The following TAF1C variants were observed in gnomAD, a reference collection of about 807,000 sequenced individuals.
TAF1C encodes TATA-box binding protein associated factor, RNA polymerase I subunit C, also known as TATA box-binding protein-associated factor RNA polymerase I subunit C.
A neutral mutation model predicts 70.5 loss-of-function variants in TAF1C; 79 were observed. The ratio of observed to expected loss-of-function variants is 1.12; its 90% CI spans 0.93 to 1.35. The LOEUF is 1.35. Among genes scored for constraint, TAF1C ranks in the 40% most tolerant of loss-of-function variants. TAF1C has a pLI of 0.00. For missense variants in TAF1C, 1,412 were observed against 1,127.8 expected, an observed-to-expected ratio of 1.25 and a Z score of -3.61; for synonymous variants, 614 against 491.1, an observed-to-expected ratio of 1.25 and a Z score of -3.31.
At chr16:84,181,248 C>T in intron 11 of TAF1C, 62 bp from the exon 12 acceptor site, 1 of 1,597,626 alleles carries the variant, frequency 6.3e-7, no homozygotes, top group Admixed American at 1.7e-5. Context: ...CTGTCCTCGC[C>T]CAGGCCGCAG....
rs753496424 is a variant in TAF1C, at chr16:84,181,832, A to C, written c.870T>G (p.Cys290Trp). The change falls in exon 9 of 15, where the codon TGT (cysteine) becomes TGG (tryptophan). Residue 290 changes from cysteine (C) to tryptophan (W), a missense_variant. Cys to Trp is a radical substitution (Grantham distance 215). Transcript: ENST00000566732. The stretch of plus-strand genomic sequence containing the variant: ...ACTGTTTACCAAACTTCCACACGGC[A>C]CAGTGGTAGTCAGAGCGGACGGCCA... ...TLLAVRSDYH[C>W]AVWKFGKQWQ... 3 of 1,614,176 alleles carry C rather than the reference A, an allele frequency of 1.9e-6. No homozygotes were observed. Among genetic ancestry groups the C allele is most frequent in the Non-Finnish European group, 1.7e-6 (2 of 1,180,024 alleles).
chr16:84,181,564 T>C lies in TAF1C; in HGVS notation c.1028+28A>G, dbSNP rs1415630369. The C allele has an allele frequency of 3.7e-6, 6 of 1,612,822 alleles. No individual in the cohort carries two copies. In the African/African-American group the frequency reaches 6.7e-5, roughly 18 times the overall value. On this transcript the variant is annotated intron_variant, in intron 10 of 14. Transcript: ENST00000566732. ...CAGGGCGGAGTTCAGTTCGTTAGGG[T>C]GGGGGGTTTCACAGGAAGCGGCGAT...
At chr16:84,184,221 G>C (rs925720594) in intron 2 of TAF1C, among the ~76,000 whole-genome samples, 1 of 152,216 alleles carries the variant, frequency 6.6e-6, no homozygotes, top group Non-Finnish European at 1.5e-5. Flanking sequence ...AAAAGAGCTA[G>C]GAAACCAGAC....
In TAF1C at chr16:84,178,680, C is replaced by G. The variant is rs115942235; in HGVS notation, c.*261G>C. ...CTGCCTCCCAGCACAGACTAAAATC[C>G]CAGCAACACAGGCCCACCGGCACCT... On this transcript the variant is annotated 3_prime_UTR_variant, in exon 15 of 15. Transcript: ENST00000566732. 2,909 of 533,416 alleles carry G rather than the reference C, an allele frequency of 5.5e-3. 67 individuals are homozygous for G. Among genetic ancestry groups the G allele is most frequent in the African/African-American group, 0.05 (2,628 of 52,604 alleles). The allele number at this position is 533,416 out of a possible 1,614,324, so 33.0% of individuals were successfully genotyped here. A position where few individuals can be genotyped will look rare whatever the true frequency, so the allele number is the denominator to read the frequency against.
chr16:84,182,067 C>G lies in TAF1C; in HGVS notation c.722-9G>C, dbSNP rs1196894966. 6.2e-7 allele frequency: 1 copy of G among 1,612,594 alleles called. No individual in the cohort carries two copies. The highest frequency in any genetic ancestry group is 1.7e-5 in the Admixed American group (1 of 59,952). On this transcript the variant is annotated splice_polypyrimidine_tract_variant and intron_variant, in intron 7 of 14. Transcript: ENST00000566732. The surrounding 1 kb of genome is among the most constrained non-coding windows in gnomAD (Gnocchi z 5.0). Reference sequence around the variant, plus strand: ...AACGACCTCTTGGAAATCTGGGCCTCTCACTAAGGATCAGTGCACGAGCTA... The same window carrying G: ...AACGACCTCTTGGAAATCTGGGCCTGTCACTAAGGATCAGTGCACGAGCTA...
At chr16:84,180,146 G>T in intron 13 of TAF1C, 24 bp downstream of exon 13, 1 of 1,555,656 alleles carries the variant, frequency 6.4e-7, no homozygotes. Flanking sequence ...CCCACACGCC[G>T]CCCACCCTGG....
chr16:84,179,079 G>T lies in TAF1C; in HGVS notation c.2394C>A (p.Pro798=). The change falls in exon 15 of 15, where the codon CCC becomes CCA. Residue 798 remains proline, a synonymous_variant. Coordinates refer to ENST00000566732, the MANE Select transcript of TAF1C (RefSeq NM_001243156.2). ...TGGCACAGCCTGGGGTGTCCCTCTG[G>T]GGTGGTAGCTTGGCCATGTAGTCAC... ...MLRDYMAKLP[P]QRDTPGCATT... 2 of 1,610,918 alleles carry T rather than the reference G, an allele frequency of 1.2e-6. No individual in the cohort carries two copies. Among genetic ancestry groups the T allele is most frequent in the East Asian group, 2.2e-5 (1 of 44,852 alleles).
Position 84,181,013 on chromosome 16 carries a change from T to TGGGGC in TAF1C, c.1308+25_1308+29dup, listed in dbSNP as rs769930061. ...GTGACCATCTGAGACAGAGCAGAGG[T>TGGGGC]GGGGCGGGGCGGTGTTGTGTGCCAC... On this transcript the variant is annotated intron_variant, in intron 12 of 14. Transcript: ENST00000566732. 7 of 1,580,922 alleles carry TGGGGC rather than the reference T, an allele frequency of 4.4e-6. No individual in the cohort carries two copies. In the Admixed American group the frequency reaches 1.0e-4, roughly 23 times the overall value.
Position 84,178,214 on chromosome 16 carries a change from C to T in TAF1C, c.*727G>A. The T allele has an allele frequency of 2.5e-6, 1 of 398,620 alleles. No individual in the cohort carries two copies. Among genetic ancestry groups the T allele is most frequent in the Non-Finnish European group, 5.0e-6 (1 of 199,368 alleles). 24.7% of individuals were successfully genotyped at this position (398,620 alleles called of 1,614,324 possible). On this transcript the variant is annotated 3_prime_UTR_variant, in exon 15 of 15. Transcript: ENST00000566732. ...ACAACAGAGAATTCCCCCAAACTGA[C>T]ATGACCGTGACCCTCTGCTCAGAGG... is the stretch of plus-strand genomic sequence containing the variant.
At position 84,182,174 on chromosome 16, in the gene TAF1C, G is replaced by C; in HGVS notation, c.721+28C>G. 3 of 1,597,966 alleles carry C rather than the reference G, an allele frequency of 1.9e-6. No homozygotes were observed. The highest frequency in any genetic ancestry group is 2.2e-5 in the South Asian group (2 of 89,698). On this transcript the variant is annotated intron_variant, in intron 7 of 14. Coordinates refer to ENST00000566732, the MANE Select transcript of TAF1C (RefSeq NM_001243156.2). The surrounding 1 kb of genome is among the most constrained non-coding windows in gnomAD (Gnocchi z 5.0). Reference sequence around the variant, plus strand: ...TCCTCTACCAGAGGCGAGCCCGCTGGAATCTCCTGTCTCGCAAGAAAGGAT... The same window carrying C: ...TCCTCTACCAGAGGCGAGCCCGCTGCAATCTCCTGTCTCGCAAGAAAGGAT...
At position 84,179,366 on chromosome 16, in the gene TAF1C, C is replaced by T. The variant is rs780091897; in HGVS notation, c.2107G>A (p.Gly703Arg). Reference protein sequence around the residue: ...ERLGEAWAGRGAAWWERQQGR... With the variant: ...ERLGEAWAGRRAAWWERQQGR... ...TGCTGCCTCTCCCACCAGGCAGCCC[C>T]TCGGCCTGCCCAGGCTTCCCCCAGG... Residue 703 changes from glycine (G) to arginine (R), a missense_variant, in exon 15 of 15, where the codon GGG becomes AGG. Transcript: ENST00000566732. 6 of 1,600,382 alleles carry T rather than the reference C, an allele frequency of 3.7e-6. No individual in the cohort carries two copies. The highest frequency in any genetic ancestry group is 3.4e-6 in the Non-Finnish European group (4 of 1,178,914).
chr16:84,180,088 G>A lies in TAF1C; in HGVS notation c.1484-5C>T. ...GGGGCACCGACGCCCCTTCTCCTGA[G>A]GAAGGACAGACAGCTGAGGCCCTGT... On this transcript the variant is annotated splice_region_variant and splice_polypyrimidine_tract_variant and intron_variant, in intron 13 of 14. Coordinates refer to ENST00000566732, the MANE Select transcript of TAF1C (RefSeq NM_001243156.2). 6.3e-7 allele frequency: 1 copy of A among 1,590,626 alleles called. No homozygotes were observed.
At position 84,181,330 on chromosome 16, in the gene TAF1C, G is replaced by C. The variant is rs1230254178; in HGVS notation, c.1162C>G (p.Gln388Glu). The change falls in exon 11 of 15, where the codon CAG becomes GAG. Residue 388 changes from glutamine (Q) to glutamate (E), a missense_variant and splice_region_variant. By Grantham distance (29) the Gln-to-Glu change is conservative. Transcript: ENST00000566732. Reference sequence around the variant, plus strand: ...GGTCCTCTGCCGCCAGCCCGTACCTGAGTGTCCAGCATCTTCACTCCGGTG... The same window carrying C: ...GGTCCTCTGCCGCCAGCCCGTACCTCAGTGTCCAGCATCTTCACTCCGGTG... ...DRTGVKMLDTQGPPGCGLLLF... is the reference protein window; with the variant it reads ...DRTGVKMLDTEGPPGCGLLLF... The C allele has an allele frequency of 3.1e-6, 5 of 1,613,400 alleles. No individual in the cohort carries two copies. The highest frequency in any genetic ancestry group is 4.2e-6 in the Non-Finnish European group (5 of 1,179,796).
chr16:84,180,626 C>T (rs1301268125), intron 12 of TAF1C: 3 of 608,384 alleles, frequency 4.9e-6, no homozygotes, highest in Non-Finnish European at 7.9e-6. Flanking sequence ...CCTGCCTGGC[C>T]TTCTCGCAGC....
In TAF1C at chr16:84,183,102, C is replaced by T; in HGVS notation, c.456G>A (p.Gln152=). ...KTVVSVKKLL[Q]DLGGHQPWGC... The stretch of plus-strand genomic sequence containing the variant: ...CCCAGGGCTGGTGTCCACCGAGGTC[C>T]TGGAGCAGCTTCTTCACACTGACCA... Residue 152 remains glutamine, a synonymous_variant, in exon 6 of 15, where the codon CAG becomes CAA. Transcript: ENST00000566732. The T allele has an allele frequency of 6.2e-7, 1 of 1,614,132 alleles. No individual in the cohort carries two copies. The highest frequency in any genetic ancestry group is 8.5e-7 in the Non-Finnish European group (1 of 1,180,034).
chr16:84,178,000 C>A lies in TAF1C; in HGVS notation c.*941G>T, dbSNP rs1163130870. 4.3e-6 allele frequency: 3 copies of A among 690,894 alleles called. No individual in the cohort carries two copies. The highest frequency in any genetic ancestry group is 7.8e-6 in the Non-Finnish European group (3 of 385,622). The allele number at this position is 690,894 out of a possible 1,614,324, so 42.8% of individuals were successfully genotyped here. ...TTTCACCAGCCAACCTGAAAAAAGA[C>A]CTTTCTCTTACTATGTCATCAGAAA... is the stretch of plus-strand genomic sequence containing the variant. On this transcript the variant is annotated 3_prime_UTR_variant, in exon 15 of 15. Coordinates refer to ENST00000566732, the MANE Select transcript of TAF1C (RefSeq NM_001243156.2).
Position 84,178,933 on chromosome 16 carries a change from T to G in TAF1C, c.*8A>C. 6.3e-7 allele frequency: 1 copy of G among 1,584,670 alleles called. No homozygotes were observed. The highest frequency in any genetic ancestry group is 8.6e-7 in the Non-Finnish European group (1 of 1,167,514). The stretch of plus-strand genomic sequence containing the variant: ...CTCTGGGGCTTGAGGGCAGCCCACC[T>G]TGTGTCCTCAGAAGCCCATTCGAGG... On this transcript the variant is annotated 3_prime_UTR_variant, in exon 15 of 15. Coordinates refer to ENST00000566732, the MANE Select transcript of TAF1C (RefSeq NM_001243156.2).
rs896402602 is a variant in TAF1C, at chr16:84,180,024, C to T, written c.1543G>A (p.Asp515Asn). ...AGCAGAGGAAATGCAGGGAGGGAGT[C>T]GATCCTGGAAGGAAGAGACTGGGGG... is the stretch of plus-strand genomic sequence containing the variant. ...GPPQSLPSRI[D>N]SLPAFPLLEP... Residue 515 changes from aspartate (D) to asparagine (N), a missense_variant, in exon 14 of 15, where the codon GAC (aspartate) becomes AAC (asparagine). Asp to Asn is a conservative substitution (Grantham distance 23). Coordinates refer to ENST00000566732, the MANE Select transcript of TAF1C (RefSeq NM_001243156.2). 9.9e-6 allele frequency: 16 copies of T among 1,610,494 alleles called. No individual in the cohort carries two copies. Among genetic ancestry groups the T allele is most frequent in the South Asian group, 5.5e-5 (5 of 90,766 alleles).
intron 12 of TAF1C, chr16:84,180,659 G>A (rs1294676512): frequency 1.0e-5 from 7 of 700,832 alleles, no homozygotes; most frequent in Admixed American, 3.9e-5. Context: ...CCTGACCCGG[G>A]AGCCTGTGCT....
Sources: gnomAD v4.1 joint callset for allele counts (sites outside exome capture counted in the v4.1 genomes callset) on GRCh38, gnomAD v4.1.1 for gene constraint, Gnocchi (gnomAD v3.1) non-coding constraint, MANE v1.5 for transcripts, NCBI Gene and HGNC (gene_info 2026-07-23, HGNC 2026-07-21) for gene names.